Variants in SPATA7 observed in about 807,000 individuals in gnomAD.
SPATA7 encodes the protein spermatogenesis associated 7, also known as spermatogenesis-associated protein 7.
Under a neutral mutation model 51.8 loss-of-function variants are expected in SPATA7, and 43 were observed. The ratio of observed to expected loss-of-function variants is 0.83; its 90% confidence interval spans 0.65 to 1.07. The LOEUF (loss-of-function observed/expected upper bound fraction) is 1.07. Ranked by LOEUF, SPATA7 falls within the 50% of genes least tolerant of loss-of-function variation. SPATA7 has a pLI of 0.00. For synonymous variants in SPATA7, 230 were observed against 252.8 expected (o/e 0.91, Z 0.86); for missense variants, 683 against 701.3 (o/e 0.97, Z 0.30).
intron 1 of SPATA7, 87 bp downstream of exon 1, chr14:88,385,924 A>AGTGTT (rs1443743198): frequency 1.4e-6 from 2 of 1,406,558 alleles, no homozygotes; most frequent in Non-Finnish European, 1.8e-6. Flanking sequence ...GCTGAGTGCA[A>AGTGTT]GGCCGCCCCT....
chr14:88,437,802 AT>A (rs1303044016), intron 11 of SPATA7, 35 bp from the exon 12 acceptor site: 1 of 1,551,862 alleles, frequency 6.4e-7, no homozygotes, highest in Admixed American at 2.0e-5. Context: ...ATTTGACTCA[AT>A]TAATGTAATT....
chr14:88,432,845 C>A (rs555472543), intron 9 of SPATA7: 1 of 279,866 alleles, frequency 3.6e-6, no homozygotes, highest in Admixed American at 4.9e-5. Flanking sequence ...CCTTGTCCTT[C>A]GTTGCTTTCT....
intron 3 of SPATA7, among the ~76,000 whole-genome samples, chr14:88,448,877 G>A (rs573637790): frequency 7.2e-4 from 109 of 152,198 alleles, no homozygotes; most frequent in African/African-American, 2.5e-3. Flanking sequence ...GAGAACCACT[G>A]CTCTCTTCAA....
intron 4 of SPATA7, chr14:88,467,879 T>A: frequency 2.0e-6 from 1 of 489,370 alleles, no homozygotes; most frequent in Non-Finnish European, 3.6e-6. Flanking sequence ...GTGCAAGTAC[T>A]GCAAACCGGA....
chr14:88,423,881 C>A (rs117014812), intron 5 of SPATA7, among the ~76,000 whole-genome samples: 2,392 of 152,188 alleles, frequency 0.016, 32 homozygotes, highest in Non-Finnish European at 0.023. Flanking sequence ...GTTTAAAAAT[C>A]CGACAATTGG....
chr14:88,425,484 T>A (rs1395970557), intron 5 of SPATA7, among the ~76,000 whole-genome samples: 1 of 152,110 alleles, frequency 6.6e-6, no homozygotes, highest in East Asian at 1.9e-4. Context: ...TACAGATGTG[T>A]CCGTAAGGGC....
chr14:88,459,488 CTT>C (rs1197118200), downstream of SPATA7, among the ~76,000 whole-genome samples: 2 of 152,016 alleles, frequency 1.3e-5, no homozygotes, highest in African/African-American at 4.8e-5. Context: ...GGCCTTGTCT[CTT>C]TTGATCTTTG....
downstream of SPATA7, among the ~76,000 whole-genome samples, chr14:88,458,052 C>G (rs2077295530): frequency 6.6e-6 from 1 of 152,046 alleles, no homozygotes; most frequent in African/African-American, 2.4e-5. Context: ...TATGTTGAAC[C>G]AGCCTTGCAT....
At position 88,426,376 on chromosome 14, in the gene SPATA7, GAGA is replaced by G. The variant is rs772598827; in HGVS notation, c.522_524del (p.Lys174del). On this transcript the variant is annotated inframe_deletion, in exon 6 of 12. Coordinates refer to ENST00000393545, the MANE Select transcript of SPATA7 (RefSeq NM_018418.5). The stretch of plus-strand genomic sequence containing the variant: ...CAGTAAAGTCATCACAAATGGTCCT[GAGA>G]AGAACTCCAGTTCCTCCCCGTCCAG... The G allele has an allele frequency of 6.2e-6, 10 of 1,614,060 alleles. No individual in the cohort carries two copies. The highest frequency in any genetic ancestry group is 8.5e-6 in the Non-Finnish European group (10 of 1,180,032).
At chr14:88,396,698 A>C (rs1183314442) in intron 4 of SPATA7, among the ~76,000 whole-genome samples, 3 of 152,120 alleles carry the variant, frequency 2.0e-5, no homozygotes, top group African/African-American at 7.2e-5. Context: ...AGTTACAGTC[A>C]CCTTTTGGCT....
chr14:88,426,420 C>T lies in SPATA7; in HGVS notation c.561C>T (p.Ala187=), dbSNP rs1401919378. The change falls in exon 6 of 12, where the codon GCC becomes GCT. Residue 187 remains alanine, a synonymous_variant. Transcript: ENST00000393545. ...CCCCGTCCAGTGTGGATTATGCAGC[C>T]TCCGGGCCCCGGAAACTGAGCTCTG... ...SSSPSSVDYA[A]SGPRKLSSGA... 1.2e-6 allele frequency: 2 copies of T among 1,614,184 alleles called. No homozygotes were observed. Among genetic ancestry groups the T allele is most frequent in the East Asian group, 2.2e-5 (1 of 44,878 alleles).
rs1340662497 is a variant in SPATA7 at position 88,438,029 on chromosome 14, G to T, written c.1407G>T (p.Lys469Asn). 5 of 1,613,944 alleles carry T rather than the reference G, an allele frequency of 3.1e-6. No individual in the cohort carries two copies. The highest frequency in any genetic ancestry group is 4.2e-6 in the Non-Finnish European group (5 of 1,180,012). ...TIQQERQQYQ[K>N]ALDMLLSAPK... ...AGCAGGAACGTCAACAATACCAAAA[G>T]GCTTTGGATATGTTATTGTCGGCAC... Residue 469 changes from lysine to asparagine, a missense_variant, in exon 12 of 12, where the codon AAG becomes AAT. Physicochemically the swap from Lys to Asn is moderately conservative, Grantham distance 94. Coordinates refer to ENST00000393545, the MANE Select transcript of SPATA7 (RefSeq NM_018418.5).
At chr14:88,461,593 C>T (rs1027223058) in intron 4 of SPATA7, among the ~76,000 whole-genome samples, 2 of 152,106 alleles carry the variant, frequency 1.3e-5, no homozygotes, top group African/African-American at 4.8e-5. Flanking sequence ...CCTGATTTTC[C>T]AGGTGCCATC....
downstream of SPATA7, among the ~76,000 whole-genome samples, chr14:88,442,743 T>C (rs1435751124): frequency 6.6e-6 from 1 of 152,016 alleles, no homozygotes; most frequent in Non-Finnish European, 1.5e-5. Context: ...TGTTGGTCCA[T>C]AGTTTTGTTT....
chr14:88,437,912 A>G lies in SPATA7; in HGVS notation c.1290A>G (p.Gln430=), dbSNP rs1018954437. The G allele has an allele frequency of 1.5e-5, 24 of 1,612,048 alleles. No individual in the cohort carries two copies. In the Admixed American group the frequency reaches 3.8e-4, roughly 26 times the overall value. The change falls in exon 12 of 12, where the codon CAA becomes CAG. Residue 430 remains glutamine, a synonymous_variant. Coordinates refer to ENST00000393545, the MANE Select transcript of SPATA7 (RefSeq NM_018418.5). The part of the protein sequence containing the change: ...GCTSEENSVK[Q]NDVDMLNVFD... The stretch of plus-strand genomic sequence containing the variant: ...CATCGGAGGAAAACTCGGTAAAGCA[A>G]AATGATGTTGATATGTTGAATGTAT...
chr14:88,448,787 T>A (rs1197771911), intron 3 of SPATA7, among the ~76,000 whole-genome samples: 2 of 152,080 alleles, frequency 1.3e-5, no homozygotes, highest in Non-Finnish European at 2.9e-5. Context: ...GCCTCCCAGT[T>A]AGGCTGCTCG....
At chr14:88,438,824 G>C (rs537056005), downstream of SPATA7, among the ~76,000 whole-genome samples, 46 of 152,326 alleles carry the variant, frequency 3.0e-4, no homozygotes, top group African/African-American at 1.1e-3. Flanking sequence ...TAACGTGGCT[G>C]CTTGCTTTTT....
At chr14:88,454,813 GA>G (rs1219249634) in intron 3 of SPATA7, among the ~76,000 whole-genome samples, 3 of 149,448 alleles carry the variant, frequency 2.0e-5, no homozygotes, top group East Asian at 2.0e-4. Flanking sequence ...ATCTCAAAAA[GA>G]AAAAAAAAGA....
At chr14:88,391,289 A>T (rs1471812467) in intron 1 of SPATA7, 92 bp from the exon 2 acceptor site, 2 of 1,083,724 alleles carry the variant, frequency 1.8e-6, no homozygotes, top group African/African-American at 3.2e-5. Context: ...TTTTGTGATA[A>T]ATTTATTATT....
Sources: gnomAD v4.1 joint callset for allele counts (sites outside exome capture counted in the v4.1 genomes callset) on GRCh38, gnomAD v4.1.1 for gene constraint, MANE v1.5 for transcripts, NCBI Gene and HGNC (gene_info 2026-07-23, HGNC 2026-07-21) for gene names.